Variants in PID1 observed in about 807,000 individuals in gnomAD.
The protein encoded by PID1 is phosphotyrosine interaction domain containing 1, also known as PTB-containing, cubilin and LRP1-interacting protein.
Under a neutral mutation model 19.1 loss-of-function variants are expected in PID1, and 10 were observed. The observed-to-expected ratio is 0.52, with a 90% CI of 0.32 to 0.89. PID1 has a LOEUF of 0.89. Among genes scored for constraint, PID1 ranks in the 40% least tolerant of loss-of-function variants. The pLI, the probability that PID1 is intolerant of heterozygous loss-of-function variation, is 0.03. For synonymous variants in PID1, 130 were observed against 116.0 expected, an observed-to-expected ratio of 1.12 and a Z score of -0.78; for missense variants, 248 against 285.3, an observed-to-expected ratio of 0.87 and a Z score of 0.94.
chr2:229,124,993 G>A (rs75137368), intron 2 of PID1, among the ~76,000 whole-genome samples: 5,025 of 152,254 alleles, frequency 0.033, 144 homozygotes, highest in East Asian at 0.16. Context: ...GTGTGTGAGT[G>A]TGTGTCTGTT....
At chr2:229,097,773 T>C (rs1694999561) in intron 2 of PID1, among the ~76,000 whole-genome samples, 1 of 152,178 alleles carries the variant, frequency 6.6e-6, no homozygotes, top group African/African-American at 2.4e-5. Context: ...GTTTTCCTCC[T>C]ATTTTTCCCA....
rs193200158 is a variant in PID1 at position 229,045,535 on chromosome 2, G to A, written c.178-19427C>T. 1.9e-3 allele frequency among the ~76,000 whole-genome samples: 293 copies of A among 152,280 alleles called. 7 individuals carry two copies. The highest frequency in any genetic ancestry group is 0.018 in the Admixed American group (275 of 15,296). On this transcript the variant is annotated intron_variant, in intron 2 of 2. Coordinates refer to ENST00000392055, the MANE Select transcript of PID1 (RefSeq NM_001100818.2). ...CTGTTCCTTTGTTCAAGGTTTCTGG[G>A]CTTTCAGGGCTCTGCTATCACAGGT...
At chr2:229,203,875 C>T (rs755191518) in intron 1 of PID1, among the ~76,000 whole-genome samples, 2 of 152,044 alleles carry the variant, frequency 1.3e-5, no homozygotes, top group Non-Finnish European at 2.9e-5. Flanking sequence ...TTTAATGAGT[C>T]TCTGCTGACA....
intron 2 of PID1, among the ~76,000 whole-genome samples, chr2:229,116,789 T>C (rs754581235): frequency 6.6e-6 from 1 of 152,180 alleles, no homozygotes; most frequent in Non-Finnish European, 1.5e-5. Context: ...AACAGACTAA[T>C]ACAGTTGCCT....
At chr2:229,080,425 C>A (rs540714096) in intron 2 of PID1, among the ~76,000 whole-genome samples, 29 of 152,164 alleles carry the variant, frequency 1.9e-4, no homozygotes, top group Non-Finnish European at 3.4e-4. Flanking sequence ...CTCTCCAACA[C>A]CCATCCTAGC....
At chr2:229,098,269 A>C (rs573950730) in intron 2 of PID1, among the ~76,000 whole-genome samples, 20 of 152,314 alleles carry the variant, frequency 1.3e-4, no homozygotes, top group Non-Finnish European at 2.2e-4. Context: ...AATGAGGGAG[A>C]TAGACAAGCA....
At chr2:229,181,595 T>C (rs1320075978) in intron 1 of PID1, among the ~76,000 whole-genome samples, 2 of 152,220 alleles carry the variant, frequency 1.3e-5, no homozygotes, top group Non-Finnish European at 2.9e-5. Flanking sequence ...TCTCCAAATA[T>C]TCCTCTAAGG....
Position 229,252,793 on chromosome 2 carries a change from AT to A in PID1, c.30+18220del, listed in dbSNP as rs375700782. Among the ~76,000 whole-genome samples, 570 of 152,232 alleles carry A rather than the reference AT, an allele frequency of 3.7e-3. 3 individuals are homozygous for A. Among genetic ancestry groups the A allele is most frequent in the African/African-American group, 0.013 (542 of 41,542 alleles). Reference sequence around the variant, plus strand: ...TCCCACAAGGGGAATACTAATTTGAATTTCTTTGGTTGCACAACACTTCCCC... The same window carrying A: ...TCCCACAAGGGGAATACTAATTTGAATTCTTTGGTTGCACAACACTTCCCC... On this transcript the variant is annotated intron_variant, in intron 1 of 2. Transcript: ENST00000392055.
Position 229,193,784 on chromosome 2 carries a change from G to GAA in PID1, c.31-37822_31-37821dup, listed in dbSNP as rs557216036. On this transcript the variant is annotated intron_variant, in intron 1 of 2. Transcript: ENST00000392055. Reference sequence around the variant, plus strand: ...AAAAATTATATCGTAGCCTTATTGGGAAAAAAAAAAAAGACCTTTCAAAGT... The same window carrying GAA: ...AAAAATTATATCGTAGCCTTATTGGGAAAAAAAAAAAAAAGACCTTTCAAAGT... Among the ~76,000 whole-genome samples the GAA allele has an allele frequency of 4.9e-3, 680 of 138,204 alleles. 6 individuals carry two copies. The highest frequency in any genetic ancestry group is 0.017 in the African/African-American group (651 of 37,882). 90.7% of individuals were successfully genotyped at this position (138,204 alleles called of 152,430 possible).
intron 2 of PID1, among the ~76,000 whole-genome samples, chr2:229,153,309 GAAT>G (rs1182694641): frequency 1.3e-5 from 2 of 152,282 alleles, no homozygotes; most frequent in East Asian, 3.9e-4. Flanking sequence ...CCTTCAGATA[GAAT>G]AATAACGCTG....
chr2:229,090,403 G>A (rs756397766), intron 2 of PID1, among the ~76,000 whole-genome samples: 9 of 152,186 alleles, frequency 5.9e-5, no homozygotes, highest in African/African-American at 2.2e-4. Context: ...AGTCATGGCA[G>A]GGGGAAGGGA....
At chr2:229,081,526 A>G (rs1694668892) in intron 2 of PID1, among the ~76,000 whole-genome samples, 1 of 152,186 alleles carries the variant, frequency 6.6e-6, no homozygotes, top group Admixed American at 6.5e-5. Context: ...GAGCCACTGA[A>G]GGGCTTGGGA....
chr2:229,129,443 C>T (rs1278121725), intron 2 of PID1, among the ~76,000 whole-genome samples: 1 of 150,546 alleles, frequency 6.6e-6, no homozygotes, highest in Admixed American at 6.6e-5. Context: ...GAGAGAGAGG[C>T]TCATTTATTG....
intron 2 of PID1, among the ~76,000 whole-genome samples, chr2:229,151,250 G>A (rs1251127644): frequency 6.6e-6 from 1 of 152,180 alleles, no homozygotes; most frequent in Non-Finnish European, 1.5e-5. Flanking sequence ...CCTGTGGATA[G>A]ACACAAAACC....
At chr2:229,227,721 G>C (rs1336233780) in intron 1 of PID1, among the ~76,000 whole-genome samples, 1 of 152,164 alleles carries the variant, frequency 6.6e-6, no homozygotes, top group Admixed American at 6.5e-5. Flanking sequence ...CTCTGTACCT[G>C]TGGGTTCTGC....
At chr2:229,142,771 T>G (rs1690042418) in intron 2 of PID1, among the ~76,000 whole-genome samples, 2 of 152,308 alleles carry the variant, frequency 1.3e-5, no homozygotes, top group Non-Finnish European at 1.5e-5. Flanking sequence ...GTTCACCCCT[T>G]GTGGAAGTCA....
chr2:229,167,959 A>G (rs1690636667), intron 1 of PID1, among the ~76,000 whole-genome samples: 1 of 152,200 alleles, frequency 6.6e-6, no homozygotes, highest in South Asian at 2.1e-4. Context: ...ACTTGTGTTC[A>G]TATTTTAGCA....
chr2:229,261,263 A>C (rs1216211788), intron 1 of PID1, among the ~76,000 whole-genome samples: 2 of 152,194 alleles, frequency 1.3e-5, no homozygotes, highest in African/African-American at 4.8e-5. Context: ...CCACAGTACC[A>C]GTACCACCCG....
At chr2:229,182,240 A>G (rs1216717866) in intron 1 of PID1, among the ~76,000 whole-genome samples, 1 of 150,822 alleles carries the variant, frequency 6.6e-6, no homozygotes, top group East Asian at 2.0e-4. Context: ...CAGGTTCATG[A>G]AACATAACAA....
Sources: gnomAD v4.1 joint callset for allele counts (sites outside exome capture counted in the v4.1 genomes callset) on GRCh38, gnomAD v4.1.1 for gene constraint, MANE v1.5 for transcripts, NCBI Gene and HGNC (gene_info 2026-07-23, HGNC 2026-07-21) for gene names.